ATF6: variants seen among roughly 807,000 people sequenced by gnomAD.
ATF6 encodes cyclic AMP-dependent transcription factor ATF-6 alpha.
In ATF6, 53 loss-of-function variants were observed where a neutral mutation model predicts 83.6. The ratio of observed to expected loss-of-function variants is 0.63; its 90% CI spans 0.51 to 0.80. ATF6 has a LOEUF of 0.80. Among genes scored for constraint, ATF6 ranks in the 30% least tolerant of loss-of-function variants. ATF6 has a pLI of 0.00. For synonymous variants in ATF6, 288 were observed against 285.8 expected (o/e 1.01, Z -0.08); for missense variants, 744 against 797.9 (o/e 0.93, Z 0.81).
intron 15 of ATF6, among the ~76,000 whole-genome samples, chr1:161,954,841 A>C (rs995556397): frequency 6.6e-6 from 1 of 152,156 alleles, no homozygotes; most frequent in Non-Finnish European, 1.5e-5. Context: ...TTCCTGACTC[A>C]GTTCAGTGTT....
At chr1:161,894,734 C>T (rs148706710) in intron 14 of ATF6, among the ~76,000 whole-genome samples, 13,215 of 128,044 alleles carry the variant, frequency 0.1, 1,183 homozygotes, top group East Asian at 0.35. Context: ...GTATTTTTAG[C>T]AGAGACGGGG....
chr1:161,786,236 C>T (rs755389676), intron 4 of ATF6, among the ~76,000 whole-genome samples: 21 of 152,106 alleles, frequency 1.4e-4, no homozygotes, highest in African/African-American at 2.4e-4. Context: ...CCACCTGCCT[C>T]GGCCCCCCAA....
chr1:161,825,384 C>T (rs1183642987), intron 9 of ATF6, among the ~76,000 whole-genome samples: 1 of 152,156 alleles, frequency 6.6e-6, no homozygotes, highest in Non-Finnish European at 1.5e-5. Flanking sequence ...AGCACAGGCT[C>T]CCACAGGTTA....
At chr1:161,808,559 T>G (rs1685361335) in intron 7 of ATF6, among the ~76,000 whole-genome samples, 1 of 152,136 alleles carries the variant, frequency 6.6e-6, no homozygotes, top group African/African-American at 2.4e-5. Flanking sequence ...TCATTCCTTT[T>G]TTAAATTTTT....
At chr1:161,863,429 AAATT>A (rs1686927568) in intron 14 of ATF6, 117 bp downstream of exon 14, 1 of 697,044 alleles carries the variant, frequency 1.4e-6, no homozygotes, top group Non-Finnish European at 2.5e-6. Context: ...AATATAAAAT[AAATT>A]ATGTGAGTGG....
In ATF6 at chr1:161,961,132, T is replaced by C. The variant is rs1173332305; in HGVS notation, c.*2478T>C. On this transcript the variant is annotated 3_prime_UTR_variant, in exon 16 of 16. Transcript: ENST00000367942. Reference sequence around the variant, plus strand: ...ATCATCATTTTGCCAACTCCTCAGATGCAAGACTTTGGTTATGTCATACTC... The same window carrying C: ...ATCATCATTTTGCCAACTCCTCAGACGCAAGACTTTGGTTATGTCATACTC... 6.6e-6 allele frequency: 1 copy of C among 152,228 alleles called. No individual in the cohort carries two copies. The highest frequency in any genetic ancestry group is 1.5e-5 in the Non-Finnish European group (1 of 68,048). 9.4% of individuals were successfully genotyped at this position (152,228 alleles called of 1,614,324 possible).
intron 14 of ATF6, among the ~76,000 whole-genome samples, chr1:161,893,042 A>G (rs896374912): frequency 2.0e-5 from 3 of 152,200 alleles, no homozygotes; most frequent in Non-Finnish European, 4.4e-5. Context: ...TGGTATTTTT[A>G]AAGTTCAGCA....
intron 14 of ATF6, among the ~76,000 whole-genome samples, chr1:161,890,106 T>A (rs1687515595): frequency 6.6e-6 from 1 of 152,230 alleles, no homozygotes; most frequent in Admixed American, 6.5e-5. Context: ...AATGTAGTAT[T>A]TCCTAGAAAC....
At chr1:161,836,665 G>A (rs1686224984) in intron 9 of ATF6, among the ~76,000 whole-genome samples, 1 of 152,178 alleles carries the variant, frequency 6.6e-6, no homozygotes, top group African/African-American at 2.4e-5. Context: ...CAAGTGCAGA[G>A]CTGGGTTTTG....
intron 9 of ATF6, among the ~76,000 whole-genome samples, chr1:161,822,418 C>G (rs1685788201): frequency 6.6e-6 from 1 of 152,068 alleles, no homozygotes; most frequent in African/African-American, 2.4e-5. Context: ...ATGTAGAAAG[C>G]TGAATTTGGC....
intron 1 of ATF6, among the ~76,000 whole-genome samples, chr1:161,772,236 G>A (rs987262055): frequency 2.0e-5 from 3 of 151,890 alleles, no homozygotes; most frequent in East Asian, 1.9e-4. Flanking sequence ...CTCTTTTCTG[G>A]TAGGTTTCTC....
intron 15 of ATF6, among the ~76,000 whole-genome samples, chr1:161,921,892 C>T (rs1170257276): frequency 1.3e-5 from 2 of 152,092 alleles, no homozygotes; most frequent in Non-Finnish European, 2.9e-5. Context: ...GATGCTTTTA[C>T]AAGATAACAA....
intron 7 of ATF6, among the ~76,000 whole-genome samples, chr1:161,813,889 T>A (rs1685537955): frequency 6.9e-6 from 1 of 144,670 alleles, no homozygotes; most frequent in Non-Finnish European, 1.5e-5. Flanking sequence ...CTTTTCTTTC[T>A]TTTTTTTTTT....
chr1:161,854,654 G>A (rs1267380994), intron 12 of ATF6, among the ~76,000 whole-genome samples: 4 of 152,108 alleles, frequency 2.6e-5, no homozygotes, highest in African/African-American at 9.7e-5. Flanking sequence ...GGTGGATCAC[G>A]AGGTCAGGAG....
intron 6 of ATF6, among the ~76,000 whole-genome samples, chr1:161,796,081 C>T (rs1685012639): frequency 6.8e-6 from 1 of 147,104 alleles, no homozygotes; most frequent in South Asian, 2.1e-4. Context: ...GGTATTCTTC[C>T]ATCTCCTTTG....
At chr1:161,851,233 AACACACACACACAC>A (rs60202873) in intron 10 of ATF6, among the ~76,000 whole-genome samples, 1,402 of 75,456 alleles carry the variant, frequency 0.019, 12 homozygotes, top group Non-Finnish European at 0.039. Context: ...CCCTATCCTT[AACACACACACACAC>A]ACACACACAC....
rs1688352279 is a variant in ATF6 at position 161,928,027 on chromosome 1, C to T, written c.1804+15647C>T. On this transcript the variant is annotated intron_variant, in intron 15 of 15. Coordinates refer to ENST00000367942, the MANE Select transcript of ATF6 (RefSeq NM_007348.4). ...GGTTCAGCTCCCCTTTTTTGAGTAC[C>T]CACCATTTATGTTAAGTATATTACT... Among the ~76,000 whole-genome samples the T allele has an allele frequency of 2.0e-5, 3 of 151,836 alleles. No individual in the cohort carries two copies. The South Asian group carries it at 6.2e-4, about 32-fold the overall frequency.
At chr1:161,924,331 T>G (rs548365684) in intron 15 of ATF6, among the ~76,000 whole-genome samples, 1 of 152,326 alleles carries the variant, frequency 6.6e-6, no homozygotes, top group South Asian at 2.1e-4. Flanking sequence ...CATGGTAGTT[T>G]TCATTGACAT....
At chr1:161,904,583 A>G (rs1687847152) in intron 14 of ATF6, among the ~76,000 whole-genome samples, 1 of 151,838 alleles carries the variant, frequency 6.6e-6, no homozygotes, top group African/African-American at 2.4e-5. Flanking sequence ...ATGAGACTGT[A>G]TAAAACAAAA....
Sources: gnomAD v4.1 joint callset for allele counts (sites outside exome capture counted in the v4.1 genomes callset) on GRCh38, gnomAD v4.1.1 for gene constraint, MANE v1.5 for transcripts, NCBI Gene and HGNC (gene_info 2026-07-23, HGNC 2026-07-21) for gene names.